NBPF9: variants seen among roughly 807,000 people sequenced by gnomAD.
NBPF9 encodes NBPF family member NBPF9.
NBPF9 carries 91 observed loss-of-function variants against 97.8 expected under a neutral mutation model. The ratio of observed to expected loss-of-function variants is 0.93; its 90% CI spans 0.79 to 1.11. NBPF9 has a LOEUF of 1.11. Among genes scored for constraint, NBPF9 ranks in the 50% least tolerant of loss-of-function variants. The probability of loss-of-function intolerance (pLI) is 0.00; values close to 1 mark genes in which losing one functional copy is unlikely to be tolerated. For synonymous variants in NBPF9, 334 were observed against 359.5 expected, an observed-to-expected ratio of 0.93 and a Z score of 0.80; for missense variants, 992 against 939.5, an observed-to-expected ratio of 1.06 and a Z score of -0.73.
chr1:149,063,604 C>T (rs1202274632), intron 20 of NBPF9, 29 bp downstream of exon 20: 4 of 607,578 alleles, frequency 6.6e-6, no homozygotes, highest in Non-Finnish European at 1.1e-5. Flanking sequence ...CTCAGTGGAT[C>T]CTTATCACCT....
chr1:149,077,947 C>T (rs1379346411), exon 10 of NBPF9: 50 of 1,547,802 alleles, frequency 3.2e-5, no homozygotes, highest in Admixed American at 1.0e-4. Flanking sequence ...TCCTCATCTT[C>T]GTCATTTTCT....
At chr1:149,077,389 G>C in exon 11 of NBPF9, 1 of 1,610,058 alleles carries the variant, frequency 6.2e-7, no homozygotes, top group Non-Finnish European at 8.5e-7. Flanking sequence ...AGTCCTCAGC[G>C]ACTTTGCTCT....
At chr1:149,074,767 C>T (rs2079705832) in intron 12 of NBPF9, among the ~76,000 whole-genome samples, 1 of 151,384 alleles carries the variant, frequency 6.6e-6, no homozygotes, top group East Asian at 1.9e-4. Flanking sequence ...TTCACTCTCA[C>T]CAAGCTACTC....
At chr1:149,090,980 C>T (rs1379873117) in intron 4 of NBPF9, 86 bp from the exon 5 acceptor site, 1 of 212,400 alleles carries the variant, frequency 4.7e-6, no homozygotes, top group Non-Finnish European at 8.2e-6. Flanking sequence ...GACCCCAGGG[C>T]CCCCATGCCC....
chr1:149,062,652 G>T (rs1326040875), intron 21 of NBPF9, among the ~76,000 whole-genome samples: 1 of 148,734 alleles, frequency 6.7e-6, no homozygotes, highest in East Asian at 2.0e-4. Flanking sequence ...AGCCTTTGAG[G>T]TATGGTCAAC....
Position 149,062,802 on chromosome 1 carries a change from T to C in NBPF9, c.2078+60A>G, listed in dbSNP as rs1466159704. 7 of 757,552 alleles carry C rather than the reference T, an allele frequency of 9.2e-6. No individual in the cohort carries two copies. In the Admixed American group the frequency reaches 1.2e-4, roughly 13 times the overall value. The allele number at this position is 757,552 out of a possible 1,614,324, so 46.9% of individuals were successfully genotyped here. ...AAATTGAACACACTCTTGTTTTCCC[T>C]GGACCTGGCATCTCCAGGTGTCAAC... On this transcript the variant is annotated intron_variant, in intron 21 of 29. Coordinates refer to ENST00000584027, the Ensembl canonical transcript of NBPF9.
chr1:149,055,838 A>T (rs1186744317), exon 30 of NBPF9: 1 of 1,605,848 alleles, frequency 6.2e-7, no homozygotes, highest in African/African-American at 1.3e-5. Flanking sequence ...GTAGAATAAC[A>T]TCCATCCAGT....
At chr1:149,062,963 C>G (rs782429988) in intron 20 of NBPF9, 50 bp from the exon 21 acceptor site, 15 of 754,686 alleles carry the variant, frequency 2.0e-5, no homozygotes, top group South Asian at 1.9e-4. Flanking sequence ...TTCTCCTACA[C>G]ACATAACAAT....
Position 149,070,978 on chromosome 1 carries a change from G to T in NBPF9, c.1541C>A (p.Ser514Ter), listed in dbSNP as rs782709574. 6.2e-7 allele frequency: 1 copy of T among 1,612,564 alleles called. No homozygotes were observed. The highest frequency in any genetic ancestry group is 8.5e-7 in the Non-Finnish European group (1 of 1,179,874). ...ATCTTCCCGTTCAACATGAGAGGAT[G>T]AGCCAATGAGAGTTGAGTCGACTTT... Residue 514 changes from serine to a stop codon, truncating the protein, a stop_gained, in exon 16 of 30, where the codon TCA (serine) becomes TAA (stop). Coordinates refer to ENST00000584027, the Ensembl canonical transcript of NBPF9. LOFTEE classifies it high-confidence loss of function.
exon 30 of NBPF9, chr1:149,055,586 T>C: frequency 6.5e-7 from 1 of 1,541,236 alleles, no homozygotes. Context: ...AACTGTACTT[T>C]CATTCAAAAC....
intron 14 of NBPF9, among the ~76,000 whole-genome samples, 196 bp from the exon 15 acceptor site, chr1:149,071,872 C>G (rs2079439865): frequency 6.6e-6 from 1 of 151,644 alleles, no homozygotes; most frequent in Non-Finnish European, 1.5e-5. Flanking sequence ...ATCTGGAGGG[C>G]CACCATCAAC....
chr1:149,064,957 T>C, intron 18 of NBPF9: 1 of 532,074 alleles, frequency 1.9e-6, no homozygotes, highest in Non-Finnish European at 3.3e-6. Context: ...ATGGCTTTTG[T>C]GGGTGAAAAG....
At chr1:149,052,230 G>C (rs2077953287), downstream of NBPF9, among the ~76,000 whole-genome samples, 1 of 151,730 alleles carries the variant, frequency 6.6e-6, no homozygotes, top group Non-Finnish European at 1.5e-5. Flanking sequence ...AACCATTAAA[G>C]AAAACATTGA....
intron 9 of NBPF9, among the ~76,000 whole-genome samples, chr1:149,078,805 G>C (rs1436788728): frequency 6.8e-6 from 1 of 146,470 alleles, no homozygotes; most frequent in Non-Finnish European, 1.5e-5. Context: ...ATCAAGGGAG[G>C]AGGGACACTT....
chr1:149,079,731 G>T (rs1447517751), intron 8 of NBPF9, among the ~76,000 whole-genome samples: 4 of 151,752 alleles, frequency 2.6e-5, no homozygotes, highest in Non-Finnish European at 5.9e-5. Context: ...CTAAGGGTAA[G>T]TGGGGTGGCA....
At chr1:149,062,122 T>C (rs781990481) in exon 22 of NBPF9, 63 of 1,159,084 alleles carry the variant, frequency 5.4e-5, no homozygotes, top group Middle Eastern at 2.9e-4. Context: ...GCCAAGGTAC[T>C]GTTCCTCCAA....
At chr1:149,064,988 C>T (rs1483533866) in intron 18 of NBPF9, 12 of 540,474 alleles carry the variant, frequency 2.2e-5, no homozygotes, top group Non-Finnish European at 3.9e-5. Context: ...ATCTAGAAAA[C>T]ATACCAGGAA....
chr1:149,072,436 C>T (rs2079491346), intron 14 of NBPF9, among the ~76,000 whole-genome samples: 1 of 152,100 alleles, frequency 6.6e-6, no homozygotes, highest in African/African-American at 2.4e-5. Flanking sequence ...CAAGCCTGCT[C>T]CCATCGCAGC....
intron 23 of NBPF9, 122 bp from the exon 24 acceptor site, chr1:149,060,817 G>T: frequency 2.5e-6 from 1 of 397,776 alleles, no homozygotes; most frequent in East Asian, 4.3e-5. Context: ...ATCCATTAAT[G>T]AGGTAACAAA....
Sources: gnomAD v4.1 joint callset for allele counts (sites outside exome capture counted in the v4.1 genomes callset) on GRCh38, gnomAD v4.1.1 for gene constraint, MANE v1.5 for transcripts, NCBI Gene and HGNC (gene_info 2026-07-23, HGNC 2026-07-21) for gene names.